FAM117B: variants seen among roughly 807,000 people sequenced by gnomAD.
The protein encoded by FAM117B is protein FAM117B.
FAM117B carries 22 observed loss-of-function variants against 52.8 expected under a neutral mutation model. That is an observed-to-expected ratio of 0.42 (90% CI 0.30 to 0.59). The LOEUF (loss-of-function observed/expected upper bound fraction) is 0.59. FAM117B is among the 20% of genes least tolerant of loss of function. The pLI, the probability that FAM117B is intolerant of heterozygous loss-of-function variation, is 0.22. For missense variants in FAM117B, 678 were observed against 802.6 expected (o/e 0.84, Z 1.88); for synonymous variants, 309 against 324.1 (o/e 0.95, Z 0.50).
At chr2:202,639,589 C>T (rs1345920393) in intron 1 of FAM117B, among the ~76,000 whole-genome samples, 2 of 152,164 alleles carry the variant, frequency 1.3e-5, no homozygotes, top group Admixed American at 6.5e-5. Flanking sequence ...GATGGTATAA[C>T]ATCGAGGTGA....
intron 1 of FAM117B, 137 bp from the exon 2 acceptor site, chr2:202,695,744 G>T (rs1690699992): frequency 1.2e-6 from 1 of 817,482 alleles, no homozygotes; most frequent in Non-Finnish European, 1.8e-6. Flanking sequence ...CTTTACTGGG[G>T]GTCTTGGAAG....
intron 1 of FAM117B, among the ~76,000 whole-genome samples, chr2:202,693,465 TG>T (rs1690664409): frequency 1.3e-5 from 2 of 151,952 alleles, no homozygotes; most frequent in South Asian, 4.1e-4. Context: ...AAAAGTTAGC[TG>T]GCACCTGTAG....
intron 1 of FAM117B, among the ~76,000 whole-genome samples, chr2:202,660,595 T>C (rs1406343036): frequency 6.6e-6 from 1 of 152,154 alleles, no homozygotes; most frequent in Non-Finnish European, 1.5e-5. Flanking sequence ...TTAGGAGTGT[T>C]CCTTTTTCAG....
chr2:202,655,749 AGAGAGAGAGAGAGT>A (rs1177190195), intron 1 of FAM117B, among the ~76,000 whole-genome samples: 13 of 133,736 alleles, frequency 9.7e-5, no homozygotes, highest in African/African-American at 3.4e-4. Context: ...AGAGAGAGAG[AGAGAGAGAGAGAGT>A]GTGTGTGTGT....
Position 202,713,059 on chromosome 2 carries a change from A to C in FAM117B, c.754-11858A>C, listed in dbSNP as rs1363591879. On this transcript the variant is annotated intron_variant, in intron 2 of 7. Transcript: ENST00000392238. ...TACTGGCCTCGTAGAATGAGTTTGG[A>C]AATATTCCCTCCTCTGTTTTTCAGA... 2.0e-5 allele frequency among the ~76,000 whole-genome samples: 3 copies of C among 152,234 alleles called. No individual in the cohort carries two copies. The East Asian group carries it at 5.8e-4, about 29-fold the overall frequency.
At chr2:202,702,753 CTG>C (rs1690814663) in intron 2 of FAM117B, among the ~76,000 whole-genome samples, 2 of 152,128 alleles carry the variant, frequency 1.3e-5, no homozygotes, top group Admixed American at 6.6e-5. Flanking sequence ...CGGGGTTTCA[CTG>C]TGTTAGCCAG....
At chr2:202,672,758 G>T (rs569036347) in intron 1 of FAM117B, among the ~76,000 whole-genome samples, 1 of 152,218 alleles carries the variant, frequency 6.6e-6, no homozygotes, top group South Asian at 2.1e-4. Flanking sequence ...TGACAGACTG[G>T]GTGTGGTGGC....
At chr2:202,729,910 A>G (rs1298719288) in intron 4 of FAM117B, among the ~76,000 whole-genome samples, 1 of 152,174 alleles carries the variant, frequency 6.6e-6, no homozygotes, top group African/African-American at 2.4e-5. Context: ...CTATTTCATA[A>G]TGGTCATTAT....
intron 1 of FAM117B, among the ~76,000 whole-genome samples, chr2:202,669,103 T>C (rs1168215428): frequency 6.6e-6 from 1 of 152,162 alleles, no homozygotes. Flanking sequence ...TTAAATACAT[T>C]GATAAATCAA....
intron 1 of FAM117B, among the ~76,000 whole-genome samples, chr2:202,689,763 C>A (rs930184528): frequency 2.0e-5 from 3 of 151,950 alleles, no homozygotes; most frequent in East Asian, 1.9e-4. Flanking sequence ...ACAAAAAATA[C>A]AACAGTTAAC....
chr2:202,720,048 A>G (rs1288741688), intron 2 of FAM117B, among the ~76,000 whole-genome samples: 2 of 152,178 alleles, frequency 1.3e-5, no homozygotes, highest in African/African-American at 4.8e-5. Flanking sequence ...TGTAACTAAT[A>G]GTAATTTGTG....
intron 4 of FAM117B, among the ~76,000 whole-genome samples, chr2:202,738,316 CT>C (rs1334677929): frequency 6.6e-6 from 1 of 152,108 alleles, no homozygotes; most frequent in East Asian, 1.9e-4. Context: ...CTAAGGTAGT[CT>C]TTAAAGAAAC....
rs557109275 is a variant in FAM117B at position 202,645,314 on chromosome 2, A to T, written c.601+9526A>T. Among the ~76,000 whole-genome samples, 119 of 148,662 alleles carry T rather than the reference A, an allele frequency of 8.0e-4. 1 individual carries two copies. Among genetic ancestry groups the T allele is most frequent in the Non-Finnish European group, 1.4e-3 (95 of 67,322 alleles). ...TTTTTTGTTTGTCTGTTTTTGAGAC[A>T]GAGTCTCGCTGTCGCCCAGGCTGGA... On this transcript the variant is annotated intron_variant, in intron 1 of 7. Transcript: ENST00000392238.
intron 1 of FAM117B, among the ~76,000 whole-genome samples, chr2:202,680,374 C>G (rs1014298429): frequency 1.3e-5 from 2 of 152,020 alleles, no homozygotes; most frequent in African/African-American, 2.4e-5. Flanking sequence ...ACATATGTAA[C>G]AAACCTGCAC....
At chr2:202,704,518 T>G (rs910273257) in intron 2 of FAM117B, among the ~76,000 whole-genome samples, 2 of 152,170 alleles carry the variant, frequency 1.3e-5, no homozygotes, top group African/African-American at 2.4e-5. Flanking sequence ...TGGAAATACT[T>G]TATCTTAGGT....
At chr2:202,760,247 T>C (rs1691865319) in intron 7 of FAM117B, among the ~76,000 whole-genome samples, 1 of 152,220 alleles carries the variant, frequency 6.6e-6, no homozygotes, top group African/African-American at 2.4e-5. Context: ...TTTGTGAACA[T>C]GTATCCAGTC....
At chr2:202,735,500 T>TC (rs1379787816) in intron 4 of FAM117B, among the ~76,000 whole-genome samples, 15 of 152,178 alleles carry the variant, frequency 9.9e-5, no homozygotes, top group Admixed American at 9.2e-4. Flanking sequence ...CATGTTTTTT[T>TC]CCCCTGGAAA....
intron 4 of FAM117B, among the ~76,000 whole-genome samples, chr2:202,752,832 A>G (rs1264801614): frequency 1.3e-5 from 2 of 152,188 alleles, no homozygotes; most frequent in African/African-American, 4.8e-5. Flanking sequence ...AGTTCTTTCC[A>G]AAAGTAATAC....
chr2:202,687,171 C>T (rs972032443), intron 1 of FAM117B, among the ~76,000 whole-genome samples: 5 of 152,052 alleles, frequency 3.3e-5, no homozygotes, highest in Non-Finnish European at 5.9e-5. Flanking sequence ...GACACTATGC[C>T]GAGTGAATGA....
Sources: gnomAD v4.1 joint callset for allele counts (sites outside exome capture counted in the v4.1 genomes callset) on GRCh38, gnomAD v4.1.1 for gene constraint, MANE v1.5 for transcripts, NCBI Gene and HGNC (gene_info 2026-07-23, HGNC 2026-07-21) for gene names.